The following LURAP1L variants were observed in gnomAD, a reference collection of about 807,000 sequenced individuals.
LURAP1L encodes leucine rich adaptor protein 1 like.
In LURAP1L, 12 loss-of-function variants were observed where a neutral mutation model predicts 13.8. The ratio of observed to expected loss-of-function variants is 0.87; its 90% CI spans 0.56 to 1.41. The LOEUF is 1.41. Among genes scored for constraint, LURAP1L ranks in the 40% most tolerant of loss-of-function variants. The probability of loss-of-function intolerance (pLI) is 0.00; values close to 1 mark genes in which losing one functional copy is unlikely to be tolerated. For synonymous variants in LURAP1L, 139 were observed against 119.2 expected, an observed-to-expected ratio of 1.17 and a Z score of -1.08; for missense variants, 375 against 292.9, an observed-to-expected ratio of 1.28 and a Z score of -2.04.
Position 12,792,226 on chromosome 9 carries a change from C to T in LURAP1L, c.312+16199C>T, listed in dbSNP as rs754804871. ...ATATTTTGAATGTTAGATGAAGTAA[C>T]AAAACAATTGCCTTGCAATAGCTGT... On this transcript the variant is annotated intron_variant, in intron 1 of 1. Coordinates refer to ENST00000319264, the MANE Select transcript of LURAP1L (RefSeq NM_203403.2). Among the ~76,000 whole-genome samples, 8 of 152,118 alleles carry T rather than the reference C, an allele frequency of 5.3e-5. No homozygotes were observed. In the South Asian group the frequency reaches 1.7e-3, roughly 32 times the overall value.
chr9:12,817,552 T>C (rs779631960), intron 1 of LURAP1L, among the ~76,000 whole-genome samples: 3 of 152,226 alleles, frequency 2.0e-5, no homozygotes, highest in Non-Finnish European at 2.9e-5. Context: ...TTGCATATTA[T>C]GATTGATCAG....
chr9:12,797,939 G>A (rs116714155), intron 1 of LURAP1L, among the ~76,000 whole-genome samples: 177 of 152,016 alleles, frequency 1.2e-3, no homozygotes, highest in African/African-American at 4.0e-3. Flanking sequence ...TATATTTATG[G>A]AACCAACTTC....
At chr9:12,805,144 A>G (rs1819639607) in intron 1 of LURAP1L, among the ~76,000 whole-genome samples, 1 of 152,184 alleles carries the variant, frequency 6.6e-6, no homozygotes, top group African/African-American at 2.4e-5. Context: ...ATTCTTACAT[A>G]CTAACAATGC....
Position 12,786,540 on chromosome 9 carries a change from T to A in LURAP1L, c.312+10513T>A, listed in dbSNP as rs560447606. Among the ~76,000 whole-genome samples, 9 of 38,694 alleles carry A rather than the reference T, an allele frequency of 2.3e-4. No individual in the cohort carries two copies. The East Asian group carries it at 5.8e-3, about 25-fold the overall frequency. 25.4% of individuals were successfully genotyped at this position (38,694 alleles called of 152,430 possible). On this transcript the variant is annotated intron_variant, in intron 1 of 1. Coordinates refer to ENST00000319264, the MANE Select transcript of LURAP1L (RefSeq NM_203403.2). The stretch of plus-strand genomic sequence containing the variant: ...TTAGATTAAATGGCTAACATGTATA[T>A]ATATGACATATATATATATATATAT...
At chr9:12,801,949 T>A (rs937959264) in intron 1 of LURAP1L, among the ~76,000 whole-genome samples, 8 of 152,152 alleles carry the variant, frequency 5.3e-5, no homozygotes, top group Non-Finnish European at 4.4e-5. Context: ...ACAAATTAAC[T>A]CTTTCTGAAT....
intron 1 of LURAP1L, among the ~76,000 whole-genome samples, chr9:12,794,867 A>C (rs1819491850): frequency 6.6e-6 from 1 of 151,820 alleles, no homozygotes; most frequent in East Asian, 1.9e-4. Context: ...AATTCTTGTG[A>C]TAAGCCCCAA....
At chr9:12,786,143 A>G (rs1342196466) in intron 1 of LURAP1L, among the ~76,000 whole-genome samples, 1 of 152,064 alleles carries the variant, frequency 6.6e-6, no homozygotes, top group Non-Finnish European at 1.5e-5. Context: ...TTTCATTCTC[A>G]TGCCTCACCC....
intron 1 of LURAP1L, chr9:12,790,805 T>C (rs947850507): frequency 6.6e-6 from 1 of 151,804 alleles, no homozygotes; most frequent in African/African-American, 2.4e-5. Flanking sequence ...GTTTTTGGCA[T>C]CTTCTTTTAC....
chr9:12,783,555 C>G (rs911427612), intron 1 of LURAP1L, among the ~76,000 whole-genome samples: 3 of 152,144 alleles, frequency 2.0e-5, no homozygotes, highest in African/African-American at 7.2e-5. Context: ...ATAAATTCCA[C>G]TTGGTCATGA....
chr9:12,803,602 G>A (rs1448329289), intron 1 of LURAP1L, among the ~76,000 whole-genome samples: 2 of 152,040 alleles, frequency 1.3e-5, no homozygotes, highest in Admixed American at 1.3e-4. Flanking sequence ...CACATTCAAA[G>A]GAGAGCAAAC....
At chr9:12,800,922 A>G (rs1476152322) in intron 1 of LURAP1L, among the ~76,000 whole-genome samples, 3 of 152,164 alleles carry the variant, frequency 2.0e-5, no homozygotes, top group African/African-American at 7.2e-5. Flanking sequence ...AGCTCCTGTC[A>G]AGTGCTTCTG....
At chr9:12,785,879 T>C (rs1054934083) in intron 1 of LURAP1L, among the ~76,000 whole-genome samples, 1 of 152,160 alleles carries the variant, frequency 6.6e-6, no homozygotes, top group African/African-American at 2.4e-5. Flanking sequence ...CTTGTTTAGA[T>C]AGTTGTTCAA....
intron 1 of LURAP1L, among the ~76,000 whole-genome samples, chr9:12,813,398 G>A (rs561673038): frequency 5.3e-5 from 8 of 151,950 alleles, no homozygotes; most frequent in Non-Finnish European, 1.0e-4. Context: ...TATTCACAGG[G>A]TGAAAATACC....
At chr9:12,812,854 T>G (rs1819756960) in intron 1 of LURAP1L, among the ~76,000 whole-genome samples, 1 of 152,204 alleles carries the variant, frequency 6.6e-6, no homozygotes, top group African/African-American at 2.4e-5. Context: ...AATGTTCAAC[T>G]GAGTTTAGAT....
At chr9:12,804,223 C>T (rs1015562171) in intron 1 of LURAP1L, among the ~76,000 whole-genome samples, 9 of 152,114 alleles carry the variant, frequency 5.9e-5, no homozygotes, top group African/African-American at 2.2e-4. Context: ...ACTTTTGTCA[C>T]AGCAGAATCA....
At chr9:12,776,319 C>T (rs1275273318) in intron 1 of LURAP1L, among the ~76,000 whole-genome samples, 3 of 152,186 alleles carry the variant, frequency 2.0e-5, no homozygotes, top group Admixed American at 2.0e-4. Flanking sequence ...CTCTATTTAG[C>T]TGCCAGCCCG....
intron 1 of LURAP1L, among the ~76,000 whole-genome samples, chr9:12,805,992 T>G (rs755375702): frequency 6.6e-6 from 1 of 152,120 alleles, no homozygotes; most frequent in Non-Finnish European, 1.5e-5. Context: ...AGAAGACAAA[T>G]CTGACAGTCC....
intron 1 of LURAP1L, chr9:12,814,410 T>C (rs375880530): frequency 6.4e-4 from 97 of 152,340 alleles, no homozygotes; most frequent in African/African-American, 2.0e-3. Context: ...GCTCAGGTGA[T>C]TTATAGCCGA....
intron 1 of LURAP1L, among the ~76,000 whole-genome samples, chr9:12,801,306 T>C (rs1819582451): frequency 6.6e-6 from 1 of 151,060 alleles, no homozygotes; most frequent in Non-Finnish European, 1.5e-5. Flanking sequence ...ATGTTAAATG[T>C]GGTTAAGTAT....
Sources: allele counts gnomAD v4.1 joint callset (sites outside exome capture counted in the v4.1 genomes callset), GRCh38; gene constraint gnomAD v4.1.1; transcripts MANE v1.5; gene names NCBI Gene and HGNC (gene_info 2026-07-23, HGNC 2026-07-21).